The following HECW2 variants were observed in gnomAD, a reference collection of about 807,000 sequenced individuals.
The protein encoded by HECW2 is HECT, C2 and WW domain containing E3 ubiquitin protein ligase 2.
Under a neutral mutation model 175.2 loss-of-function variants are expected in HECW2, and 61 were observed. That is an observed-to-expected ratio of 0.35 (90% CI 0.28 to 0.43). The LOEUF is 0.43. Ranked by LOEUF, HECW2 falls within the 20% of genes least tolerant of loss-of-function variation. The pLI is 1.00. For missense variants in HECW2, 1,524 were observed against 2,000.5 expected, an observed-to-expected ratio of 0.76 and a Z score of 4.54; for synonymous variants, 671 against 731.0, an observed-to-expected ratio of 0.92 and a Z score of 1.32.
At chr2:196,310,211 G>A (rs1361102705) in intron 10 of HECW2, among the ~76,000 whole-genome samples, 1 of 152,196 alleles carries the variant, frequency 6.6e-6, no homozygotes, top group African/African-American at 2.4e-5. Context: ...CTTTCAATGT[G>A]CAATGGGGAG....
chr2:196,421,206 ATGT>A (rs1247264789), intron 2 of HECW2, among the ~76,000 whole-genome samples: 1 of 152,128 alleles, frequency 6.6e-6, no homozygotes, highest in Non-Finnish European at 1.5e-5. Context: ...AATAAATAAG[ATGT>A]TGTAAAAAGT....
chr2:196,362,708 C>T (rs1427635938), intron 2 of HECW2, among the ~76,000 whole-genome samples: 1 of 152,166 alleles, frequency 6.6e-6, no homozygotes, highest in East Asian at 1.9e-4. Flanking sequence ...ATAGAATCAT[C>T]AATCTAGCTA....
chr2:196,459,381 G>C (rs962770555), intron 1 of HECW2, among the ~76,000 whole-genome samples: 1 of 152,150 alleles, frequency 6.6e-6, no homozygotes, highest in African/African-American at 2.4e-5. Flanking sequence ...TAGAGTATTT[G>C]AGTATAAAGG....
rs561088445 is a variant in HECW2, at chr2:196,370,859, C to T, written c.293-27095G>A. ...ATCACTGCATTCTCCCTCCCCTAAGCGCACAGATTCTCTCTCTGTGCCACT... is the reference window on the plus strand; with the variant it reads ...ATCACTGCATTCTCCCTCCCCTAAGTGCACAGATTCTCTCTCTGTGCCACT... On this transcript the variant is annotated intron_variant, in intron 2 of 28. Transcript: ENST00000644978. Among the ~76,000 whole-genome samples the T allele has an allele frequency of 3.3e-4, 51 of 152,284 alleles. No homozygotes were observed. The South Asian group carries it at 9.3e-3, about 28-fold the overall frequency.
At position 196,216,999 on chromosome 2, in the gene HECW2, G is replaced by A. The variant is rs769532167; in HGVS notation, c.4494+9C>T. On this transcript the variant is annotated intron_variant, in intron 27 of 28. Transcript: ENST00000644978. Reference sequence around the variant, plus strand: ...GATACATTTAAAAGATTAAATAATGGCATCTCACCTGTAACAACCTTAGTC... The same window carrying A: ...GATACATTTAAAAGATTAAATAATGACATCTCACCTGTAACAACCTTAGTC... 1.4e-6 allele frequency: 2 copies of A among 1,473,316 alleles called. No individual in the cohort carries two copies. Among genetic ancestry groups the A allele is most frequent in the Admixed American group, 2.6e-5 (1 of 38,384 alleles). The allele number at this position is 1,473,316 out of a possible 1,614,324, so 91.3% of individuals were successfully genotyped here.
chr2:196,457,448 A>G (rs572444904), intron 1 of HECW2, among the ~76,000 whole-genome samples: 6 of 152,356 alleles, frequency 3.9e-5, no homozygotes, highest in African/African-American at 1.4e-4. Context: ...ATGTTGTTCA[A>G]TATTTTAGCA....
intron 1 of HECW2, among the ~76,000 whole-genome samples, chr2:196,514,725 G>C (rs1176504032): frequency 6.6e-6 from 1 of 152,204 alleles, no homozygotes; most frequent in Admixed American, 6.5e-5. Context: ...TCTCCAAGGA[G>C]AGCTGGACCC....
At chr2:196,531,252 C>T (rs1195236852) in intron 1 of HECW2, among the ~76,000 whole-genome samples, 1 of 152,240 alleles carries the variant, frequency 6.6e-6, no homozygotes, top group Non-Finnish European at 1.5e-5. Context: ...TAATTCCAAA[C>T]TATTTCAGGA....
chr2:196,396,808 A>G (rs951008465), intron 2 of HECW2, among the ~76,000 whole-genome samples: 1 of 88,748 alleles, frequency 1.1e-5, no homozygotes, highest in African/African-American at 4.4e-5. Context: ...AGGTTTGCAT[A>G]TATTCCAATT....
At chr2:196,239,019 C>G (rs1688354890) in intron 21 of HECW2, 1 of 152,208 alleles carries the variant, frequency 6.6e-6, no homozygotes, top group South Asian at 2.1e-4. Flanking sequence ...CCAAACCAGA[C>G]TGATTATGTA....
rs956642029 is a variant in HECW2, at chr2:196,433,358, T to C, written c.66A>G (p.Thr22=). The C allele has an allele frequency of 9.3e-6, 15 of 1,614,004 alleles. No homozygotes were observed. Among genetic ancestry groups the C allele is most frequent in the South Asian group, 2.2e-5 (2 of 91,080 alleles). The change falls in exon 2 of 29, where the codon ACA becomes ACG. Residue 22 remains threonine (T), a synonymous_variant. Coordinates refer to ENST00000644978, the MANE Select transcript of HECW2 (RefSeq NM_001348768.2). ...GGCTCTGGAGGTTCTCTGGGCTCAA[T>C]GTGTACCGCATCTGGGGATTTCGAC... ...VRRRNPQMRY[T]LSPENLQSLA...
At chr2:196,323,899 G>GTTTTTTTTT in intron 6 of HECW2, among the ~76,000 whole-genome samples, 4 of 118,136 alleles carry the variant, frequency 3.4e-5, no homozygotes, top group African/African-American at 1.1e-4. Context: ...GCCCTTAAGA[G>GTTTTTTTTT]TTTTTTTTGT....
chr2:196,346,560 C>T (rs910665731), intron 2 of HECW2, among the ~76,000 whole-genome samples: 10 of 152,192 alleles, frequency 6.6e-5, no homozygotes, highest in African/African-American at 2.4e-4. Flanking sequence ...GAATAAATAA[C>T]GTGTGCTTTC....
At chr2:196,395,541 T>C (rs1694636181) in intron 2 of HECW2, among the ~76,000 whole-genome samples, 1 of 152,146 alleles carries the variant, frequency 6.6e-6, no homozygotes, top group Non-Finnish European at 1.5e-5. Flanking sequence ...CAACTTGGTT[T>C]AGAAATGCGC....
intron 1 of HECW2, among the ~76,000 whole-genome samples, chr2:196,444,692 G>A (rs557140054): frequency 6.6e-6 from 1 of 152,164 alleles, no homozygotes; most frequent in Non-Finnish European, 1.5e-5. Flanking sequence ...AAAGGAGCAG[G>A]GAAGGAACCA....
intron 2 of HECW2, among the ~76,000 whole-genome samples, chr2:196,368,135 C>G (rs963977801): frequency 6.6e-6 from 1 of 152,058 alleles, no homozygotes; most frequent in Admixed American, 6.6e-5. Flanking sequence ...TACATATATA[C>G]CTAGCAGTGT....
At chr2:196,287,289 A>T (rs60510647) in intron 14 of HECW2, among the ~76,000 whole-genome samples, 134 of 152,358 alleles carry the variant, frequency 8.8e-4, no homozygotes, top group Middle Eastern at 3.4e-3. Flanking sequence ...GATTTCTGTA[A>T]GGAAAAACAC....
At chr2:196,275,560 T>A (rs541601939) in intron 15 of HECW2, among the ~76,000 whole-genome samples, 10 of 152,280 alleles carry the variant, frequency 6.6e-5, no homozygotes, top group East Asian at 5.8e-4. Flanking sequence ...GAGACCATCC[T>A]GGCCAACATG....
Position 196,588,180 on chromosome 2 carries a change from C to T in HECW2, c.-36+5328G>A, listed in dbSNP as rs555920098. 5.9e-5 allele frequency among the ~76,000 whole-genome samples: 9 copies of T among 152,314 alleles called. No homozygotes were observed. The South Asian group carries it at 1.9e-3, about 32-fold the overall frequency. The stretch of plus-strand genomic sequence containing the variant: ...TTTATTATCTGTCTCCCACCTCCCA[C>T]CTGCCTGCCCCCAACAGAATGAAAA... On this transcript the variant is annotated intron_variant, in intron 1 of 28. Coordinates refer to ENST00000644978, the MANE Select transcript of HECW2 (RefSeq NM_001348768.2).
Sources: allele counts gnomAD v4.1 joint callset (sites outside exome capture counted in the v4.1 genomes callset), GRCh38; gene constraint gnomAD v4.1.1; transcripts MANE v1.5; gene names NCBI Gene and HGNC (gene_info 2026-07-23, HGNC 2026-07-21).